DLG5: variants seen among roughly 807,000 people sequenced by gnomAD.
The protein encoded by DLG5 is discs large MAGUK scaffold protein 5, also known as disks large homolog 5.
DLG5 carries 48 observed loss-of-function variants against 189.8 expected under a neutral mutation model. The observed-to-expected ratio is 0.25, with a 90% CI of 0.20 to 0.32. DLG5 has a LOEUF of 0.32. Among genes scored for constraint, DLG5 ranks in the 10% least tolerant of loss-of-function variants. DLG5 has a pLI of 1.00. For synonymous variants in DLG5, 1,016 were observed against 1,054.1 expected (o/e 0.96, Z 0.70); for missense variants, 2,160 against 2,544.7 (o/e 0.85, Z 3.25).
chr10:77,926,377 C>T lies in DLG5; in HGVS notation c.144G>A (p.Ala48=), dbSNP rs755905540. 1.3e-6 allele frequency: 2 copies of T among 1,597,256 alleles called. No homozygotes were observed. Among genetic ancestry groups the T allele is most frequent in the Non-Finnish European group, 1.7e-6 (2 of 1,173,992 alleles). The change falls in exon 1 of 32, where the codon GCG becomes GCA. Residue 48 remains alanine, a synonymous_variant. Transcript: ENST00000372391. The surrounding 1 kb of genome is among the most constrained non-coding windows in gnomAD (Gnocchi z 5.2). ...PGERRQLDEE[A]GGAKAELLLK... ...GCAGCAGCTCCGCCTTGGCGCCTCC[C>T]GCCTCCTCGTCCAGCTGCCGCCGCT...
At chr10:77,852,984 CTG>C (rs1844055307) in intron 5 of DLG5, among the ~76,000 whole-genome samples, 1 of 151,930 alleles carries the variant, frequency 6.6e-6, no homozygotes, top group Non-Finnish European at 1.5e-5. Flanking sequence ...AATTGGTTGG[CTG>C]TGTTTTTTTT....
At chr10:77,811,860 C>A in intron 22 of DLG5, 64 bp downstream of exon 22, 1 of 1,517,522 alleles carries the variant, frequency 6.6e-7, no homozygotes, top group Non-Finnish European at 8.8e-7. Flanking sequence ...CTAAAATGAG[C>A]AGAGTGCTGC....
intron 29 of DLG5, among the ~76,000 whole-genome samples, chr10:77,795,474 C>G (rs1840863849): frequency 6.6e-6 from 1 of 152,110 alleles, no homozygotes; most frequent in African/African-American, 2.4e-5. Context: ...AAGCCAACAC[C>G]TTCATCTAAC....
chr10:77,934,235 G>C, the DLG5 span, among the ~76,000 whole-genome samples: 8 of 151,108 alleles, frequency 5.3e-5, no homozygotes, highest in South Asian at 1.7e-3. Flanking sequence ...TCCGAGTATG[G>C]TGGTGCATGC....
At position 77,822,596 on chromosome 10, in the gene DLG5, T is replaced by C. The variant is rs1010889297; in HGVS notation, c.2383-495A>G. Among the ~76,000 whole-genome samples the C allele has an allele frequency of 7.2e-5, 11 of 152,144 alleles. No individual in the cohort carries two copies. In the South Asian group the frequency reaches 1.0e-3, roughly 14 times the overall value. On this transcript the variant is annotated intron_variant, in intron 14 of 31. Transcript: ENST00000372391. ...AGGTGGAGGTTGCAGTGAACTAAGA[T>C]CACGCCACTGCACTCCAGTCTGGGC...
In DLG5 at chr10:77,821,473, G is replaced by T. The variant is rs773851661; in HGVS notation, c.3011C>A (p.Ser1004Tyr). ...GPGPAHSPQP[S>Y]KRAGPLTPPK... ...GGGTGTCAGAGGCCCCGCCCTCTTG[G>T]AGGGCTGGGGAGAGTGAGCAGGCCC... Residue 1004 changes from serine to tyrosine, a missense_variant, in exon 15 of 32, where the codon TCC becomes TAC. Physicochemically the swap from Ser to Tyr is moderately radical, Grantham distance 144. Coordinates refer to ENST00000372391, the MANE Select transcript of DLG5 (RefSeq NM_004747.4). 2.5e-6 allele frequency: 4 copies of T among 1,612,892 alleles called. No homozygotes were observed. The East Asian group carries it at 6.7e-5, about 27-fold the overall frequency.
At position 77,811,227 on chromosome 10, in the gene DLG5, G is replaced by A. The variant is rs768242789; in HGVS notation, c.4330C>T (p.Leu1444=). 1.9e-6 allele frequency: 3 copies of A among 1,612,986 alleles called. No homozygotes were observed. Among genetic ancestry groups the A allele is most frequent in the Non-Finnish European group, 2.5e-6 (3 of 1,179,820 alleles). ...GTGGAGTGGGTACCGGCAGGGTCCA[G>A]GTGTGAGCTGGAGGCGGAGGACAGG... ...LSSHSRSSSH[L]DPAGTHSTLQ... The change falls in exon 23 of 32, where the codon CTG becomes TTG. Residue 1444 remains leucine, a synonymous_variant. Transcript: ENST00000372391.
At chr10:77,890,240 T>C (rs1845566330) in intron 1 of DLG5, among the ~76,000 whole-genome samples, 1 of 152,170 alleles carries the variant, frequency 6.6e-6, no homozygotes, top group South Asian at 2.1e-4. Context: ...CCAACACGGA[T>C]GCTGAGCTGC....
intron 1 of DLG5, among the ~76,000 whole-genome samples, chr10:77,922,111 C>T (rs912791839): frequency 2.0e-5 from 3 of 152,156 alleles, no homozygotes; most frequent in Admixed American, 6.5e-5. Flanking sequence ...CCCAACAAGG[C>T]GGCAAGCTAC....
At chr10:77,888,336 T>TTGGCTGG (rs1427873688) in intron 1 of DLG5, among the ~76,000 whole-genome samples, 2 of 152,084 alleles carry the variant, frequency 1.3e-5, no homozygotes, top group East Asian at 3.9e-4. Flanking sequence ...GCTCCCCACC[T>TTGGCTGG]CTCCTGCAGC....
At chr10:77,857,716 G>A (rs1844303521) in intron 2 of DLG5, among the ~76,000 whole-genome samples, 1 of 152,176 alleles carries the variant, frequency 6.6e-6, no homozygotes, top group Non-Finnish European at 1.5e-5. Flanking sequence ...CCTCATCCCA[G>A]GAGAAGAGAC....
rs190514746 is a variant in DLG5 at position 77,809,881 on chromosome 10, C to T, written c.4464-151G>A. ...GAGGTGGCCTCTAGTTCTACTGGCT[C>T]GGCGTTCGGGACAGGATGCTAAGGT... On this transcript the variant is annotated intron_variant, in intron 23 of 31. Transcript: ENST00000372391. 6.9e-5 allele frequency: 63 copies of T among 913,350 alleles called. No individual in the cohort carries two copies. In the Admixed American group the frequency reaches 7.9e-4, roughly 11 times the overall value. The allele number at this position is 913,350 out of a possible 1,614,324, so 56.6% of individuals were successfully genotyped here.
At chr10:77,800,443 G>A (rs1841141277) in intron 27 of DLG5, among the ~76,000 whole-genome samples, 1 of 152,008 alleles carries the variant, frequency 6.6e-6, no homozygotes, top group Non-Finnish European at 1.5e-5. Context: ...GTGAGGGGCA[G>A]AGAACCCAGG....
chr10:77,812,405 C>G, intron 20 of DLG5, 28 bp from the exon 21 acceptor site: 1 of 1,597,620 alleles, frequency 6.3e-7, no homozygotes, highest in Non-Finnish European at 8.6e-7. Context: ...GTTTCGGGGA[C>G]TCAGGGTCAA....
At chr10:77,869,965 A>G (rs1844834615) in intron 1 of DLG5, among the ~76,000 whole-genome samples, 1 of 152,148 alleles carries the variant, frequency 6.6e-6, no homozygotes, top group South Asian at 2.1e-4. Flanking sequence ...CTGGTCTGCA[A>G]AATGAAGGAG....
At chr10:77,892,976 A>C (rs1399071732) in intron 1 of DLG5, among the ~76,000 whole-genome samples, 2 of 152,256 alleles carry the variant, frequency 1.3e-5, no homozygotes, top group East Asian at 3.8e-4. Context: ...GAGAATGGCA[A>C]GGCCAGTATG....
intron 1 of DLG5, among the ~76,000 whole-genome samples, chr10:77,890,647 T>C (rs113290605): frequency 1.3e-5 from 2 of 152,242 alleles, no homozygotes; most frequent in East Asian, 3.9e-4. Flanking sequence ...AGAAACCCCA[T>C]CTCTACTAAA....
At chr10:77,809,861 G>A in intron 23 of DLG5, 131 bp from the exon 24 acceptor site, 2 of 1,091,066 alleles carry the variant, frequency 1.8e-6, no homozygotes, top group Non-Finnish European at 2.6e-6. Context: ...GCTGAGAGGT[G>A]GCCTCTAGTT....
intron 3 of DLG5, among the ~76,000 whole-genome samples, chr10:77,854,958 C>T (rs1021059864): frequency 2.6e-5 from 4 of 152,108 alleles, no homozygotes; most frequent in Non-Finnish European, 5.9e-5. Flanking sequence ...CACTGCACTC[C>T]AGCCTGGGCA....
Sources: allele counts gnomAD v4.1 joint callset (sites outside exome capture counted in the v4.1 genomes callset), GRCh38; gene constraint gnomAD v4.1.1; non-coding constraint Gnocchi (gnomAD v3.1); transcripts MANE v1.5; gene names NCBI Gene and HGNC (gene_info 2026-07-23, HGNC 2026-07-21).